The following DHRS7 variants were observed in gnomAD, a reference collection of about 807,000 sequenced individuals.
The protein encoded by DHRS7 is dehydrogenase/reductase 7.
A neutral mutation model predicts 38.9 loss-of-function variants in DHRS7; 34 were observed. The observed-to-expected ratio is 0.87, with a 90% CI of 0.66 to 1.16. The LOEUF is 1.16. Among genes scored for constraint, DHRS7 ranks in the 50% most tolerant of loss-of-function variants. DHRS7 has a pLI of 0.00. For missense variants in DHRS7, 421 were observed against 407.0 expected, an observed-to-expected ratio of 1.03 and a Z score of -0.30; for synonymous variants, 158 against 153.1, an observed-to-expected ratio of 1.03 and a Z score of -0.24.
At position 60,162,074 on chromosome 14, in the gene DHRS7, C is replaced by A. The variant is rs1347640337; in HGVS notation, c.133+3103G>T. On this transcript the variant is annotated intron_variant, in intron 1 of 6. Transcript: ENST00000557185. This position sits in a 1 kb window ranked among gnomAD's most constrained non-coding sequence, Gnocchi z 4.5. Reference sequence around the variant, plus strand: ...CATTTTAATGTCTAAAATTAGTCACCCTTAAATTTCACCATATGTGGCTGG... The same window carrying A: ...CATTTTAATGTCTAAAATTAGTCACACTTAAATTTCACCATATGTGGCTGG... Among the ~76,000 whole-genome samples, 2 of 152,080 alleles carry A rather than the reference C, an allele frequency of 1.3e-5. No homozygotes were observed. Among genetic ancestry groups the A allele is most frequent in the Non-Finnish European group, 2.9e-5 (2 of 68,012 alleles).
At chr14:60,160,672 G>A (rs906792108) in intron 1 of DHRS7, among the ~76,000 whole-genome samples, 1 of 152,050 alleles carries the variant, frequency 6.6e-6, no homozygotes, top group Non-Finnish European at 1.5e-5. Flanking sequence ...CAACCTCCAC[G>A]GCTCAGGCTC....
chr14:60,153,271 T>A lies in DHRS7; in HGVS notation c.394-93A>T. 1 of 1,410,906 alleles carries A rather than the reference T, an allele frequency of 7.1e-7. No homozygotes were observed. The highest frequency in any genetic ancestry group is 9.7e-7 in the Non-Finnish European group (1 of 1,028,208). 87.4% of individuals were successfully genotyped at this position (1,410,906 alleles called of 1,614,324 possible). A position where few individuals can be genotyped will look rare whatever the true frequency, so the allele number is the denominator to read the frequency against. On this transcript the variant is annotated intron_variant, in intron 3 of 6. Coordinates refer to ENST00000557185, the MANE Select transcript of DHRS7 (RefSeq NM_016029.4). This position sits in a 1 kb window ranked among gnomAD's most constrained non-coding sequence, Gnocchi z 4.4. ...TGGATGGTTGGTTATTTTGTTAACT[T>A]AAAGAATCAATGGAACAATGGTATA...
At position 60,162,358 on chromosome 14, in the gene DHRS7, G is replaced by GC. The variant is rs1409806323; in HGVS notation, c.133+2818dup. ...ACTGCACTCCAGGCTGGGTGACAAA[G>GC]CAAGACCTTGTCTCTCTATTAAAAA... On this transcript the variant is annotated intron_variant, in intron 1 of 6. Coordinates refer to ENST00000557185, the MANE Select transcript of DHRS7 (RefSeq NM_016029.4). The surrounding 1 kb of genome is among the most constrained non-coding windows in gnomAD (Gnocchi z 4.5). 2.6e-5 allele frequency among the ~76,000 whole-genome samples: 4 copies of GC among 150,984 alleles called. No homozygotes were observed. Among genetic ancestry groups the GC allele is most frequent in the African/African-American group, 9.7e-5 (4 of 41,054 alleles).
rs183045846 is a variant in DHRS7, at chr14:60,152,374, C to T, written c.633+565G>A. Among the ~76,000 whole-genome samples the T allele has an allele frequency of 4.6e-5, 7 of 152,252 alleles. No homozygotes were observed. The East Asian group carries it at 7.7e-4, about 17-fold the overall frequency. ...ACTAGATTTTCTTCTTCCAATGAAA[C>T]CAGAGAGAATACAGTCAAGATTTTT... On this transcript the variant is annotated intron_variant, in intron 4 of 6. Transcript: ENST00000557185.
In DHRS7 at chr14:60,161,049, T is replaced by C. The variant is rs1270583136; in HGVS notation, c.133+4128A>G. Among the ~76,000 whole-genome samples the C allele has an allele frequency of 6.6e-6, 1 of 152,236 alleles. No individual in the cohort carries two copies. The highest frequency in any genetic ancestry group is 2.4e-5 in the African/African-American group (1 of 41,448). On this transcript the variant is annotated intron_variant, in intron 1 of 6. Transcript: ENST00000557185. This position sits in a 1 kb window ranked among gnomAD's most constrained non-coding sequence, Gnocchi z 4.2. ...AATGGGAGTTTCAGATGTACACTTA[T>C]TGATAATCTTGCTCAGTTTTATCCT...
intron 2 of DHRS7, among the ~76,000 whole-genome samples, chr14:60,155,179 T>A (rs1008789460): frequency 2.6e-5 from 4 of 152,170 alleles, no homozygotes; most frequent in Admixed American, 2.6e-4. Flanking sequence ...CTGGGTGCGG[T>A]GGCTCACACC....
intron 5 of DHRS7, 119 bp downstream of exon 5, chr14:60,149,946 T>A (rs1896501621): frequency 2.0e-6 from 2 of 1,005,852 alleles, no homozygotes; most frequent in Non-Finnish European, 2.9e-6. Flanking sequence ...GTTTTGTGAA[T>A]AATTCACATA....
intron 1 of DHRS7, among the ~76,000 whole-genome samples, chr14:60,163,646 C>T (rs568890960): frequency 6.7e-4 from 102 of 152,256 alleles, no homozygotes; most frequent in Non-Finnish European, 1.3e-3. Flanking sequence ...ATGATCTTAA[C>T]TTTTAACTTT....
intron 1 of DHRS7, among the ~76,000 whole-genome samples, chr14:60,163,941 T>C (rs1308226398): frequency 6.6e-6 from 1 of 152,186 alleles, no homozygotes; most frequent in Non-Finnish European, 1.5e-5. Flanking sequence ...AGAAAGCCCT[T>C]GGTTAATGAA....
intron 4 of DHRS7, among the ~76,000 whole-genome samples, chr14:60,150,623 A>G (rs941428153): frequency 6.6e-6 from 1 of 152,202 alleles, no homozygotes; most frequent in Admixed American, 6.5e-5. Context: ...AGGTTCATCC[A>G]TGCCCCTACA....
chr14:60,149,156 A>G, intron 6 of DHRS7, 197 bp downstream of exon 6: 1 of 575,442 alleles, frequency 1.7e-6, no homozygotes. Context: ...TATTTTTAGT[A>G]GAGATGGGGT....
intron 4 of DHRS7, among the ~76,000 whole-genome samples, chr14:60,150,652 T>G (rs188416184): frequency 2.6e-5 from 4 of 152,236 alleles, no homozygotes; most frequent in Admixed American, 6.5e-5. Flanking sequence ...GAACTCATCC[T>G]TTTTTATGGA....
chr14:60,153,687 CTT>C lies in DHRS7; in HGVS notation c.393+270_393+271del, dbSNP rs1896596148. On this transcript the variant is annotated intron_variant, in intron 3 of 6. Coordinates refer to ENST00000557185, the MANE Select transcript of DHRS7 (RefSeq NM_016029.4). The surrounding 1 kb of genome is among the most constrained non-coding windows in gnomAD (Gnocchi z 4.4). ...CTCCAGCCTGGGCGACAGAGCAAGACTTTGTCTCAAAATACATAAATAAATAA... is the reference window on the plus strand; with the variant it reads ...CTCCAGCCTGGGCGACAGAGCAAGACTGTCTCAAAATACATAAATAAATAA... Among the ~76,000 whole-genome samples the C allele has an allele frequency of 6.7e-6, 1 of 148,490 alleles. No homozygotes were observed. Among genetic ancestry groups the C allele is most frequent in the Non-Finnish European group, 1.5e-5 (1 of 67,826 alleles).
chr14:60,168,824 A>G (rs1005153331), upstream of DHRS7: 50 of 1,481,848 alleles, frequency 3.4e-5, no homozygotes, highest in Non-Finnish European at 4.4e-5. Context: ...CACTCCTCAT[A>G]ATTTCACTCT....
rs1299125021 is a variant in DHRS7 at position 60,161,389 on chromosome 14, C to T, written c.133+3788G>A. Among the ~76,000 whole-genome samples, 1 of 152,086 alleles carries T rather than the reference C, an allele frequency of 6.6e-6. No individual in the cohort carries two copies. The highest frequency in any genetic ancestry group is 1.5e-5 in the Non-Finnish European group (1 of 68,018). On this transcript the variant is annotated intron_variant, in intron 1 of 6. Coordinates refer to ENST00000557185, the MANE Select transcript of DHRS7 (RefSeq NM_016029.4). The surrounding 1 kb of genome is among the most constrained non-coding windows in gnomAD (Gnocchi z 4.2). ...CTAGACAGACATTTAAATTGTGTTGCAATTCTGCTTTCTTGTTTTACAAAA... is the reference window on the plus strand; with the variant it reads ...CTAGACAGACATTTAAATTGTGTTGTAATTCTGCTTTCTTGTTTTACAAAA...
chr14:60,149,542 G>A lies in DHRS7; in HGVS notation c.783C>T (p.Ser261=), dbSNP rs1475354714. 4 of 1,612,974 alleles carry A rather than the reference G, an allele frequency of 2.5e-6. No individual in the cohort carries two copies. In the African/African-American group the frequency reaches 5.3e-5, roughly 22 times the overall value. ...TKTIGNNGDQ[S]HKMTTSRCVR... ...CACAACGACTGGTTGTCATCTTGTGGGACTGGTCTCCATTATTGCCTATAG... is the reference window on the plus strand; with the variant it reads ...CACAACGACTGGTTGTCATCTTGTGAGACTGGTCTCCATTATTGCCTATAG... The change falls in exon 6 of 7, where the codon TCC becomes TCT. Residue 261 remains serine (S), a synonymous_variant. Coordinates refer to ENST00000557185, the MANE Select transcript of DHRS7 (RefSeq NM_016029.4).
rs1896577287 is a variant in DHRS7, at chr14:60,152,970, A to G, written c.602T>C (p.Ile201Thr). 2.5e-6 allele frequency: 4 copies of G among 1,614,212 alleles called. No homozygotes were observed. Among genetic ancestry groups the G allele is most frequent in the Non-Finnish European group, 3.4e-6 (4 of 1,180,016 alleles). The change falls in exon 4 of 7, where the codon ATT becomes ACT. Residue 201 changes from isoleucine (I) to threonine (T), a missense_variant. By Grantham distance (89) the Ile-to-Thr change is moderately conservative (BLOSUM62 -1). Coordinates refer to ENST00000557185, the MANE Select transcript of DHRS7 (RefSeq NM_016029.4). ...AGCATGCTTGCTAGCACAGTATCCA[A>G]TGGAAAGAGGTACAGATATGATACC... ...ILGIISVPLS[I>T]GYCASKHALR...
At chr14:60,157,042 T>C (rs528546249) in intron 1 of DHRS7, among the ~76,000 whole-genome samples, 1 of 152,242 alleles carries the variant, frequency 6.6e-6, no homozygotes, top group African/African-American at 2.4e-5. Context: ...CTAAAATATA[T>C]GTTATTTATC....
At chr14:60,159,178 A>C in intron 1 of DHRS7, 1 of 356,512 alleles carries the variant, frequency 2.8e-6, no homozygotes, top group South Asian at 2.5e-5. Flanking sequence ...CCCAACATAC[A>C]CTTCAAGATC....
Sources: gnomAD v4.1 joint callset for allele counts (sites outside exome capture counted in the v4.1 genomes callset) on GRCh38, gnomAD v4.1.1 for gene constraint, Gnocchi (gnomAD v3.1) non-coding constraint, MANE v1.5 for transcripts, NCBI Gene and HGNC (gene_info 2026-07-23, HGNC 2026-07-21) for gene names.